PLA2R1: variants seen among roughly 807,000 people sequenced by gnomAD.
PLA2R1 encodes the protein phospholipase A2 receptor 1, also known as secretory phospholipase A2 receptor.
PLA2R1 carries 158 observed loss-of-function variants against 195.9 expected under a neutral mutation model. The ratio of observed to expected loss-of-function variants is 0.81; its 90% confidence interval spans 0.71 to 0.92. The LOEUF (loss-of-function observed/expected upper bound fraction) is 0.92, where lower values mean the gene tolerates loss of function less well. PLA2R1 is among the 40% of genes least tolerant of loss of function. PLA2R1 has a pLI of 0.00. For synonymous variants in PLA2R1, 586 were observed against 598.2 expected (o/e 0.98, Z 0.30); for missense variants, 1,626 against 1,764.6 (o/e 0.92, Z 1.41).
At chr2:159,924,030 G>GTGCT in the PLA2R1 span, among the ~76,000 whole-genome samples, 101,678 of 151,770 alleles carry the variant, frequency 0.67, 36,443 homozygotes, top group East Asian at 0.81. Context: ...TGGCAGGGCT[G>GTGCT]CGCTCTCTCT....
intron 1 of PLA2R1, among the ~76,000 whole-genome samples, chr2:160,055,673 T>C (rs1000383692): frequency 1.3e-5 from 2 of 152,210 alleles, no homozygotes; most frequent in Non-Finnish European, 2.9e-5. Flanking sequence ...CGAATCCCCA[T>C]GCTGCAAGCT....
chr2:160,045,495 T>C (rs2105620177), intron 1 of PLA2R1, among the ~76,000 whole-genome samples: 1 of 152,264 alleles, frequency 6.6e-6, no homozygotes, highest in East Asian at 1.9e-4. Context: ...GGATTGGTAA[T>C]AATACTCAGG....
chr2:160,055,593 C>A (rs1472000775), intron 1 of PLA2R1, among the ~76,000 whole-genome samples: 1 of 152,204 alleles, frequency 6.6e-6, no homozygotes, highest in Non-Finnish European at 1.5e-5. Flanking sequence ...CAGCAGGATA[C>A]AGAATGAACC....
At chr2:160,060,652 C>T (rs1013590227) in intron 1 of PLA2R1, among the ~76,000 whole-genome samples, 4 of 152,150 alleles carry the variant, frequency 2.6e-5, no homozygotes, top group Non-Finnish European at 5.9e-5. Flanking sequence ...TTCAGAGTGC[C>T]CTTGACTACT....
chr2:159,967,468 C>A, intron 20 of PLA2R1, 71 bp downstream of exon 20: 1 of 1,393,492 alleles, frequency 7.2e-7, no homozygotes, highest in South Asian at 1.4e-5. Flanking sequence ...GCCACTTTCA[C>A]TTTTTGAACA....
chr2:159,994,930 C>T (rs1437072462), intron 11 of PLA2R1, among the ~76,000 whole-genome samples: 5 of 151,934 alleles, frequency 3.3e-5, no homozygotes, highest in South Asian at 4.1e-4. Context: ...AGCAAATGTA[C>T]GACTGTGGTG....
rs549145732 is a variant in PLA2R1, at chr2:159,934,585, C to A, written c.*7193G>T. ...GCCAAAATTTTTTATAATTAGGATG[C>A]AATTTTCAGAATATTATAAATAACA... On this transcript the variant is annotated 3_prime_UTR_variant, in exon 30 of 30. Transcript: ENST00000283243. 8 of 152,194 alleles carry A rather than the reference C, an allele frequency of 5.3e-5. No homozygotes were observed. The East Asian group carries it at 1.5e-3, about 29-fold the overall frequency. 9.4% of individuals were successfully genotyped at this position (152,194 alleles called of 1,614,324 possible). A position where few individuals can be genotyped will look rare whatever the true frequency, so the allele number is the denominator to read the frequency against.
At chr2:160,026,921 G>T (rs1379763684) in intron 6 of PLA2R1, among the ~76,000 whole-genome samples, 2 of 152,176 alleles carry the variant, frequency 1.3e-5, no homozygotes, top group Non-Finnish European at 2.9e-5. Context: ...ACTGCCTCAG[G>T]TCAGGAGTTC....
In PLA2R1 at chr2:160,059,836, T is replaced by A. The variant is rs1319880354; in HGVS notation, c.109+2459A>T. On this transcript the variant is annotated intron_variant, in intron 1 of 29. Coordinates refer to ENST00000283243, the MANE Select transcript of PLA2R1 (RefSeq NM_007366.5). Reference sequence around the variant, plus strand: ...AAAGCAGAAACCCTTAATAAACCCATCAGAGGTTGTGAGACTTATTCACTA... The same window carrying A: ...AAAGCAGAAACCCTTAATAAACCCAACAGAGGTTGTGAGACTTATTCACTA... Among the ~76,000 whole-genome samples, 4 of 152,082 alleles carry A rather than the reference T, an allele frequency of 2.6e-5. No individual in the cohort carries two copies. The South Asian group carries it at 8.3e-4, about 32-fold the overall frequency.
At chr2:160,018,681 T>C (rs1032947175) in intron 8 of PLA2R1, among the ~76,000 whole-genome samples, 1 of 151,908 alleles carries the variant, frequency 6.6e-6, no homozygotes, top group African/African-American at 2.4e-5. Context: ...TTGTGGTGGA[T>C]TTCAGCAGAG....
At chr2:160,040,866 T>C (rs1443914839) in intron 3 of PLA2R1, among the ~76,000 whole-genome samples, 1 of 152,224 alleles carries the variant, frequency 6.6e-6, no homozygotes, top group African/African-American at 2.4e-5. Context: ...GCTGCAATGG[T>C]TAACCCTTGT....
chr2:160,051,158 A>C (rs1011316100), intron 1 of PLA2R1, among the ~76,000 whole-genome samples: 1 of 152,258 alleles, frequency 6.6e-6, no homozygotes, highest in Non-Finnish European at 1.5e-5. Flanking sequence ...AAATTACACC[A>C]TGAAGGTGTT....
At chr2:159,970,353 T>C (rs1689079539) in intron 17 of PLA2R1, 141 bp from the exon 18 acceptor site, 1 of 451,108 alleles carries the variant, frequency 2.2e-6, no homozygotes, top group Admixed American at 4.2e-5. Context: ...AGGCCTAGCA[T>C]CTTGAGAAAA....
At chr2:159,985,357 G>A (rs1690252802) in intron 12 of PLA2R1, among the ~76,000 whole-genome samples, 1 of 152,174 alleles carries the variant, frequency 6.6e-6, no homozygotes, top group South Asian at 2.1e-4. Context: ...TCTTCATTCT[G>A]CTCTGCCTGT....
intron 6 of PLA2R1, among the ~76,000 whole-genome samples, chr2:160,026,873 G>A (rs991426965): frequency 1.3e-5 from 2 of 152,138 alleles, no homozygotes; most frequent in East Asian, 1.9e-4. Flanking sequence ...GGTGGCTCAC[G>A]CCGTAATCCC....
Position 159,965,500 on chromosome 2 carries a change from G to A in PLA2R1, c.2904+2039C>T, listed in dbSNP as rs142929990. On this transcript the variant is annotated intron_variant, in intron 20 of 29. Transcript: ENST00000283243. ...ATAGCTAATTTCTTTTTAGCACTGA[G>A]TAATATTCCATTGTGTGGTTGTACC... Among the ~76,000 whole-genome samples, 522 of 152,240 alleles carry A rather than the reference G, an allele frequency of 3.4e-3. 5 individuals are homozygous for A. Among genetic ancestry groups the A allele is most frequent in the African/African-American group, 0.012 (489 of 41,546 alleles).
Position 159,955,183 on chromosome 2 carries a change from C to T in PLA2R1, c.3301+16G>A, listed in dbSNP as rs1054146931. On this transcript the variant is annotated intron_variant, in intron 23 of 29. Coordinates refer to ENST00000283243, the MANE Select transcript of PLA2R1 (RefSeq NM_007366.5). ...ACTTTGGAAATGAAAGGAATAAAAA[C>T]CCAAATATTTCTTACCTTGCATTTT... The T allele has an allele frequency of 6.3e-7, 1 of 1,591,544 alleles. No individual in the cohort carries two copies. Among genetic ancestry groups the T allele is most frequent in the South Asian group, 1.1e-5 (1 of 87,902 alleles).
rs1574006630 is a variant in PLA2R1, at chr2:160,062,479, G to C, written c.-76C>G. ...CCGGGAGCCCAGAGCCGCGTCCCAA[G>C]CACCCGGCCCCGCCGCGCGGAAGCG... On this transcript the variant is annotated 5_prime_UTR_variant, in exon 1 of 30. Transcript: ENST00000283243. 4.2e-6 allele frequency: 6 copies of C among 1,444,732 alleles called. No homozygotes were observed. The African/African-American group carries it at 4.5e-5, about 11-fold the overall frequency. 89.5% of individuals were successfully genotyped at this position (1,444,732 alleles called of 1,614,324 possible).
downstream of PLA2R1, among the ~76,000 whole-genome samples, chr2:159,931,855 G>C (rs931921531): frequency 6.6e-6 from 1 of 152,172 alleles, no homozygotes; most frequent in Non-Finnish European, 1.5e-5. Flanking sequence ...AAGATTAGTG[G>C]ATAAATGTAC....
Sources: allele counts gnomAD v4.1 joint callset (sites outside exome capture counted in the v4.1 genomes callset), GRCh38; gene constraint gnomAD v4.1.1; transcripts MANE v1.5; gene names NCBI Gene and HGNC (gene_info 2026-07-23, HGNC 2026-07-21).